The following LGR6 variants were observed in gnomAD, a reference collection of about 807,000 sequenced individuals.
The protein encoded by LGR6 is leucine-rich repeat-containing G protein-coupled receptor 6.
In LGR6, 45 loss-of-function variants were observed where a neutral mutation model predicts 69.4. The observed-to-expected ratio is 0.65, with a 90% CI of 0.51 to 0.83. The LOEUF (loss-of-function observed/expected upper bound fraction) is 0.83, where lower values mean the gene tolerates loss of function less well. Ranked by LOEUF, LGR6 falls within the 40% of genes least tolerant of loss-of-function variation. The pLI, the probability that LGR6 is intolerant of heterozygous loss-of-function variation, is 0.00. For synonymous variants in LGR6, 538 were observed against 555.0 expected, an observed-to-expected ratio of 0.97 and a Z score of 0.43; for missense variants, 1,108 against 1,246.7, an observed-to-expected ratio of 0.89 and a Z score of 1.68.
At position 202,205,536 on chromosome 1, in the gene LGR6, C is replaced by T. The variant is rs1360029754; in HGVS notation, c.212+11335C>T. Among the ~76,000 whole-genome samples the T allele has an allele frequency of 1.6e-4, 22 of 135,334 alleles. No homozygotes were observed. The Admixed American group carries it at 1.7e-3, about 10-fold the overall frequency. The allele number at this position is 135,334 out of a possible 152,430, so 88.8% of individuals were successfully genotyped here. On this transcript the variant is annotated intron_variant, in intron 1 of 17. Transcript: ENST00000367278. Reference sequence around the variant, plus strand: ...ACACACCCTCCTTCAAGCACACACACACACCTCCAAACACATATGCACACC... The same window carrying T: ...ACACACCCTCCTTCAAGCACACACATACACCTCCAAACACATATGCACACC...
intron 5 of LGR6, among the ~76,000 whole-genome samples, chr1:202,278,844 C>T (rs1376358998): frequency 6.6e-6 from 1 of 152,182 alleles, no homozygotes; most frequent in Non-Finnish European, 1.5e-5. Context: ...GGCTGCTCTG[C>T]CACATGTGGA....
intron 1 of LGR6, among the ~76,000 whole-genome samples, chr1:202,219,541 A>G (rs1487985954): frequency 6.6e-6 from 1 of 152,242 alleles, no homozygotes; most frequent in Non-Finnish European, 1.5e-5. Context: ...GGAACTAAGC[A>G]TGGGGTAGCT....
chr1:202,306,878 C>G lies in LGR6; in HGVS notation c.1147C>G (p.His383Asp). ...CQKLEEIGLQ[H>D]NRIWEIGADT... ...CTCTTGCTGCCCTAGCGGCCTCCAA[C>G]ACAACCGCATCTGGGAAATTGGAGC... The change falls in exon 13 of 18, where the codon CAC becomes GAC. Residue 383 changes from histidine to aspartate, a missense_variant. Physicochemically the swap from His to Asp is moderately conservative, Grantham distance 81. Transcript: ENST00000367278. 6.2e-7 allele frequency: 1 copy of G among 1,614,106 alleles called. No individual in the cohort carries two copies. The highest frequency in any genetic ancestry group is 8.5e-7 in the Non-Finnish European group (1 of 1,179,992).
At chr1:202,202,541 A>G (rs902066029) in intron 1 of LGR6, among the ~76,000 whole-genome samples, 4 of 152,214 alleles carry the variant, frequency 2.6e-5, no homozygotes, top group African/African-American at 9.7e-5. Context: ...AGCTATGGCT[A>G]TATGTTTCTT....
At chr1:202,205,964 C>CA (rs1488495406) in intron 1 of LGR6, among the ~76,000 whole-genome samples, 3 of 98,794 alleles carry the variant, frequency 3.0e-5, no homozygotes, top group South Asian at 1.3e-3. Flanking sequence ...CACACACAGA[C>CA]ACACAACACA....
At chr1:202,223,262 C>A (rs1340166460) in intron 1 of LGR6, among the ~76,000 whole-genome samples, 1 of 152,232 alleles carries the variant, frequency 6.6e-6, no homozygotes, top group Non-Finnish European at 1.5e-5. Flanking sequence ...TGAGAAGCAG[C>A]GCTGGGTGCA....
At chr1:202,310,832 A>T (rs932696821) in intron 16 of LGR6, among the ~76,000 whole-genome samples, 2 of 152,118 alleles carry the variant, frequency 1.3e-5, no homozygotes, top group Non-Finnish European at 2.9e-5. Flanking sequence ...CAAAAGGAAC[A>T]GTGTAGGGTT....
Position 202,317,431 on chromosome 1 carries a change from G to A in LGR6, c.1649-521G>A, listed in dbSNP as rs571814241. Among the ~76,000 whole-genome samples, 10 of 151,692 alleles carry A rather than the reference G, an allele frequency of 6.6e-5. No individual in the cohort carries two copies. In the East Asian group the frequency reaches 1.6e-3, roughly 24 times the overall value. ...GCAATCTTAGCTCACTGCAACCTCCGTCCCCCGGGTTCAAGTGATTCTTCT... is the reference window on the plus strand; with the variant it reads ...GCAATCTTAGCTCACTGCAACCTCCATCCCCCGGGTTCAAGTGATTCTTCT... On this transcript the variant is annotated intron_variant, in intron 17 of 17. Coordinates refer to ENST00000367278, the MANE Select transcript of LGR6 (RefSeq NM_001017403.2).
intron 1 of LGR6, among the ~76,000 whole-genome samples, chr1:202,218,786 G>A (rs780680551): frequency 6.6e-6 from 1 of 152,186 alleles, no homozygotes. Context: ...CTGAGTGTCT[G>A]TTGTACTCTC....
intron 4 of LGR6, among the ~76,000 whole-genome samples, chr1:202,264,516 A>G (rs1489461872): frequency 6.6e-6 from 1 of 152,126 alleles, no homozygotes; most frequent in Non-Finnish European, 1.5e-5. Flanking sequence ...GCTCCCAAGC[A>G]CATCTCAGAC....
At position 202,293,985 on chromosome 1, in the gene LGR6, T is replaced by C. The variant is rs921149559; in HGVS notation, c.717-3523T>C. ...AATGAACTGTATAAGGACTCAATGA[T>C]AGCAAAGTCACATGAAACCATCCCA... On this transcript the variant is annotated intron_variant, in intron 6 of 17. Transcript: ENST00000367278. 7.2e-5 allele frequency among the ~76,000 whole-genome samples: 11 copies of C among 152,288 alleles called. 1 individual carries two copies. The highest frequency in any genetic ancestry group is 7.2e-4 in the Admixed American group (11 of 15,308).
At chr1:202,306,068 G>A (rs1653156773) in intron 12 of LGR6, among the ~76,000 whole-genome samples, 1 of 152,156 alleles carries the variant, frequency 6.6e-6, no homozygotes, top group Non-Finnish European at 1.5e-5. Context: ...TCACATCAGG[G>A]CCCAGTGGGA....
At chr1:202,260,786 G>A (rs1328877153) in intron 4 of LGR6, among the ~76,000 whole-genome samples, 1 of 151,626 alleles carries the variant, frequency 6.6e-6, no homozygotes, top group Non-Finnish European at 1.5e-5. Context: ...ATATTTTTTT[G>A]TGGCCAATAT....
intron 4 of LGR6, among the ~76,000 whole-genome samples, chr1:202,257,227 G>T (rs1663846111): frequency 6.6e-6 from 1 of 150,736 alleles, no homozygotes. Context: ...GTTTGAAAAT[G>T]TTTTTCTCCC....
At chr1:202,227,639 T>C (rs1392200665) in intron 2 of LGR6, among the ~76,000 whole-genome samples, 1 of 152,128 alleles carries the variant, frequency 6.6e-6, no homozygotes, top group East Asian at 1.9e-4. Flanking sequence ...ATTAGTCAGG[T>C]CTGGGTGAGA....
At chr1:202,205,009 A>C (rs1360142885) in intron 1 of LGR6, among the ~76,000 whole-genome samples, 21 of 3,370 alleles carry the variant, frequency 6.2e-3, no homozygotes, top group Admixed American at 9.4e-3. Context: ...CACACCTCCA[A>C]ACACACACAC....
At chr1:202,203,765 T>C in intron 1 of LGR6, 1 of 1,608,362 alleles carries the variant, frequency 6.2e-7, no homozygotes, top group Non-Finnish European at 8.5e-7. Flanking sequence ...ATGCTCCTAA[T>C]GCGGAAGCCC....
At chr1:202,220,262 G>A (rs1021470824) in intron 1 of LGR6, among the ~76,000 whole-genome samples, 9 of 150,978 alleles carry the variant, frequency 6.0e-5, no homozygotes, top group East Asian at 1.9e-4. Flanking sequence ...CTGTCGTCCC[G>A]TTCGGAGTGC....
chr1:202,203,463 C>T (rs1658907117), intron 1 of LGR6, among the ~76,000 whole-genome samples: 1 of 152,224 alleles, frequency 6.6e-6, no homozygotes, highest in Admixed American at 6.5e-5. Flanking sequence ...CCCACTGGTG[C>T]TGCGGTGCCC....
Sources: gnomAD v4.1 joint callset for allele counts (sites outside exome capture counted in the v4.1 genomes callset) on GRCh38, gnomAD v4.1.1 for gene constraint, MANE v1.5 for transcripts, NCBI Gene and HGNC (gene_info 2026-07-23, HGNC 2026-07-21) for gene names.